The following GPC5 variants were observed in gnomAD, a reference collection of about 807,000 sequenced individuals.
GPC5 encodes the protein glypican 5.
In GPC5, 47 loss-of-function variants were observed where a neutral mutation model predicts 53.9. The ratio of observed to expected loss-of-function variants is 0.87; its 90% CI spans 0.69 to 1.11. The LOEUF (loss-of-function observed/expected upper bound fraction) is 1.11, where lower values mean the gene tolerates loss of function less well. GPC5 is among the 50% of genes most tolerant of loss of function. The pLI, the probability that GPC5 is intolerant of heterozygous loss-of-function variation, is 0.00. For missense variants in GPC5, 748 were observed against 713.1 expected, an observed-to-expected ratio of 1.05 and a Z score of -0.56; for synonymous variants, 286 against 263.3, an observed-to-expected ratio of 1.09 and a Z score of -0.84.
At chr13:92,134,859 C>T (rs991480162) in intron 6 of GPC5, among the ~76,000 whole-genome samples, 3 of 151,876 alleles carry the variant, frequency 2.0e-5, no homozygotes, top group Non-Finnish European at 2.9e-5. Flanking sequence ...TTGTGCCATT[C>T]GTGTGTGTGT....
At chr13:92,463,183 T>C (rs1054538075) in intron 7 of GPC5, among the ~76,000 whole-genome samples, 1 of 152,184 alleles carries the variant, frequency 6.6e-6, no homozygotes, top group Non-Finnish European at 1.5e-5. Context: ...ATTTGGACCA[T>C]TGATTAAAGT....
At chr13:91,848,206 T>A (rs2038874091) in intron 5 of GPC5, among the ~76,000 whole-genome samples, 1 of 152,232 alleles carries the variant, frequency 6.6e-6, no homozygotes, top group East Asian at 1.9e-4. Flanking sequence ...TACTCTCACC[T>A]TGAAAACATA....
chr13:91,850,402 T>A (rs1012887179), intron 5 of GPC5, among the ~76,000 whole-genome samples: 5 of 152,126 alleles, frequency 3.3e-5, no homozygotes, highest in Non-Finnish European at 7.4e-5. Flanking sequence ...AATATCAAGG[T>A]TGGTAAACCC....
chr13:92,486,136 G>T (rs529033255), intron 7 of GPC5, among the ~76,000 whole-genome samples: 1 of 152,126 alleles, frequency 6.6e-6, no homozygotes, highest in Non-Finnish European at 1.5e-5. Context: ...TCTCCCTAAA[G>T]CTTCAATGTC....
At chr13:92,042,150 A>G (rs2040946746) in intron 6 of GPC5, among the ~76,000 whole-genome samples, 1 of 152,090 alleles carries the variant, frequency 6.6e-6, no homozygotes, top group South Asian at 2.1e-4. Flanking sequence ...CAAGCTTAGT[A>G]TGGGGAGGGC....
At chr13:92,821,649 A>T (rs946386472) in intron 7 of GPC5, among the ~76,000 whole-genome samples, 2 of 152,156 alleles carry the variant, frequency 1.3e-5, no homozygotes, top group Non-Finnish European at 2.9e-5. Flanking sequence ...TATTTTTAAA[A>T]ATACACTTGT....
At chr13:92,852,133 T>TTGGATTAAG (rs1373894006) in intron 7 of GPC5, among the ~76,000 whole-genome samples, 2 of 152,208 alleles carry the variant, frequency 1.3e-5, no homozygotes, top group African/African-American at 4.8e-5. Context: ...AGAGGAATTC[T>TTGGATTAAG]TGGATTAAGT....
intron 5 of GPC5, among the ~76,000 whole-genome samples, chr13:91,863,155 C>T (rs9589362): frequency 2.6e-3 from 396 of 151,658 alleles, no homozygotes; most frequent in African/African-American, 8.9e-3. Flanking sequence ...TGACTATAGT[C>T]AGGGAATGCA....
chr13:92,473,381 G>T (rs1878983459), intron 7 of GPC5, among the ~76,000 whole-genome samples: 5 of 152,038 alleles, frequency 3.3e-5, no homozygotes, highest in South Asian at 2.1e-4. Flanking sequence ...TCTTGTACCA[G>T]GCAGAGGACT....
At chr13:92,479,124 A>C (rs1472325545) in intron 7 of GPC5, among the ~76,000 whole-genome samples, 1 of 152,200 alleles carries the variant, frequency 6.6e-6, no homozygotes, top group Admixed American at 6.5e-5. Flanking sequence ...AGAATGAGTC[A>C]TATAGAATTG....
intron 6 of GPC5, among the ~76,000 whole-genome samples, chr13:92,015,136 T>C (rs947314866): frequency 2.0e-5 from 3 of 152,126 alleles, no homozygotes; most frequent in Non-Finnish European, 2.9e-5. Flanking sequence ...TTTTTGGTTG[T>C]TTCCTCGGGG....
intron 6 of GPC5, among the ~76,000 whole-genome samples, chr13:92,117,846 G>A (rs532445421): frequency 2.0e-5 from 3 of 152,062 alleles, no homozygotes; most frequent in Non-Finnish European, 2.9e-5. Flanking sequence ...ATTTTAATAG[G>A]TTATTTTGGA....
intron 7 of GPC5, among the ~76,000 whole-genome samples, chr13:92,619,471 C>T (rs1192221132): frequency 1.3e-5 from 2 of 151,940 alleles, no homozygotes; most frequent in Non-Finnish European, 1.5e-5. Context: ...GCATATACGT[C>T]TTTAAAATCA....
intron 3 of GPC5, among the ~76,000 whole-genome samples, chr13:91,711,049 T>A (rs1300947688): frequency 1.4e-4 from 21 of 152,168 alleles, no homozygotes; most frequent in Admixed American, 1.4e-3. Flanking sequence ...GTGTGGCAAT[T>A]CCTCAAGGAT....
chr13:91,497,903 G>A (rs1884366954), intron 2 of GPC5, among the ~76,000 whole-genome samples: 1 of 152,004 alleles, frequency 6.6e-6, no homozygotes, highest in South Asian at 2.1e-4. Flanking sequence ...ATGGAAAGTG[G>A]GGTATCCATC....
intron 2 of GPC5, among the ~76,000 whole-genome samples, chr13:91,664,223 C>T (rs1445147283): frequency 6.6e-6 from 1 of 152,146 alleles, no homozygotes; most frequent in East Asian, 1.9e-4. Context: ...AAGATTGTAG[C>T]ACACTTCAGG....
intron 7 of GPC5, among the ~76,000 whole-genome samples, chr13:92,278,566 A>AT (rs1293219110): frequency 1.3e-5 from 2 of 151,594 alleles, no homozygotes; most frequent in Non-Finnish European, 2.9e-5. Flanking sequence ...CCACTTATTT[A>AT]TTTTTTCTTT....
At chr13:92,240,097 G>A (rs1284453055) in intron 7 of GPC5, 1 of 152,024 alleles carries the variant, frequency 6.6e-6, no homozygotes, top group Non-Finnish European at 1.5e-5. Context: ...CAGTGACACA[G>A]CAAAACTCCA....
At chr13:92,750,887 CAACAGTGCTATATCCAT>C in intron 7 of GPC5, among the ~76,000 whole-genome samples, 1 of 152,186 alleles carries the variant, frequency 6.6e-6, no homozygotes, top group Middle Eastern at 3.4e-3. Flanking sequence ...TTCTGGCCTT[CAACAGTGCTATATCCAT>C]AACACTCCCA....
Sources: gnomAD v4.1 joint callset for allele counts (sites outside exome capture counted in the v4.1 genomes callset) on GRCh38, gnomAD v4.1.1 for gene constraint, MANE v1.5 for transcripts, NCBI Gene and HGNC (gene_info 2026-07-23, HGNC 2026-07-21) for gene names.